Variants in CADPS observed in about 807,000 individuals in gnomAD.
CADPS encodes calcium dependent secretion activator.
A neutral mutation model predicts 167.3 loss-of-function variants in CADPS; 57 were observed. The ratio of observed to expected loss-of-function variants is 0.34; its 90% CI spans 0.28 to 0.42. The LOEUF is 0.42. CADPS is among the 20% of genes least tolerant of loss of function. The probability of loss-of-function intolerance (pLI) is 1.00; values close to 1 mark genes in which losing one functional copy is unlikely to be tolerated. For synonymous variants in CADPS, 676 were observed against 635.3 expected (o/e 1.06, Z -0.96); for missense variants, 1,414 against 1,738.1 (o/e 0.81, Z 3.32).
intron 6 of CADPS, among the ~76,000 whole-genome samples, chr3:62,633,739 G>T (rs1172085259): frequency 6.6e-6 from 1 of 152,094 alleles, no homozygotes; most frequent in Non-Finnish European, 1.5e-5. Context: ...CTTCACAGCA[G>T]TGGTGCAGGG....
At position 62,398,501 on chromosome 3, in the gene CADPS, T is replaced by C. The variant is rs533084972; in HGVS notation, c.*905A>G. On this transcript the variant is annotated 3_prime_UTR_variant, in exon 30 of 30. Coordinates refer to ENST00000383710, the MANE Select transcript of CADPS (RefSeq NM_003716.4). Reference sequence around the variant, plus strand: ...AACCCCAGGGTTGTGCAGTTACAGATCAAAATGCAATGTACATGACAGATA... The same window carrying C: ...AACCCCAGGGTTGTGCAGTTACAGACCAAAATGCAATGTACATGACAGATA... 2.6e-5 allele frequency: 4 copies of C among 152,654 alleles called. No individual in the cohort carries two copies. Among genetic ancestry groups the C allele is most frequent in the Non-Finnish European group, 5.9e-5 (4 of 68,010 alleles). 9.5% of individuals were successfully genotyped at this position (152,654 alleles called of 1,614,324 possible). A position where few individuals can be genotyped will look rare whatever the true frequency, so the allele number is the denominator to read the frequency against.
chr3:62,501,935 T>C (rs1163831616), intron 17 of CADPS, among the ~76,000 whole-genome samples: 1 of 152,264 alleles, frequency 6.6e-6, no homozygotes, highest in Non-Finnish European at 1.5e-5. Flanking sequence ...GTATGCCTGA[T>C]GTATATATAC....
chr3:62,516,703 T>G, intron 14 of CADPS, 60 bp from the exon 15 acceptor site: 1 of 1,196,868 alleles, frequency 8.4e-7, no homozygotes, highest in Non-Finnish European at 1.2e-6. Context: ...TGAAATATGC[T>G]GCAATTTGAT....
intron 3 of CADPS, among the ~76,000 whole-genome samples, chr3:62,730,502 C>T (rs2077563394): frequency 6.6e-6 from 1 of 152,154 alleles, no homozygotes. Context: ...GATAATATAG[C>T]TGGAGTGGCA....
intron 13 of CADPS, among the ~76,000 whole-genome samples, chr3:62,524,430 G>T (rs1033859000): frequency 6.6e-6 from 1 of 152,104 alleles, no homozygotes; most frequent in Non-Finnish European, 1.5e-5. Context: ...CAGACACGCT[G>T]CTAAAACAAA....
In CADPS at chr3:62,478,474, A is replaced by G. The variant is rs2061585146; in HGVS notation, c.3174-58T>C. The stretch of plus-strand genomic sequence containing the variant: ...CCCACTGGCCTCAGGCTCTACAAAA[A>G]CTAACACAGAGACAACTGGGGGCTA... On this transcript the variant is annotated intron_variant, in intron 22 of 29. Coordinates refer to ENST00000383710, the MANE Select transcript of CADPS (RefSeq NM_003716.4). The surrounding 1 kb of genome is among the most constrained non-coding windows in gnomAD (Gnocchi z 5.7). The G allele has an allele frequency of 2.6e-6, 4 of 1,520,346 alleles. No homozygotes were observed. In the South Asian group the frequency reaches 4.7e-5, roughly 18 times the overall value. 94.2% of individuals were successfully genotyped at this position (1,520,346 alleles called of 1,614,324 possible). A position where few individuals can be genotyped will look rare whatever the true frequency, so the allele number is the denominator to read the frequency against.
chr3:62,449,291 A>G (rs2057699949), intron 26 of CADPS, among the ~76,000 whole-genome samples: 2 of 151,904 alleles, frequency 1.3e-5, no homozygotes, highest in African/African-American at 4.8e-5. Flanking sequence ...TTTTCTTTGG[A>G]TTTGTTTCTT....
intron 6 of CADPS, among the ~76,000 whole-genome samples, chr3:62,597,665 T>G (rs1326210436): frequency 6.6e-6 from 1 of 152,140 alleles, no homozygotes; most frequent in Non-Finnish European, 1.5e-5. Flanking sequence ...GGGCAGTCAG[T>G]GCTTCCGAGA....
chr3:62,671,100 G>A (rs1036584207), intron 3 of CADPS, among the ~76,000 whole-genome samples: 1 of 152,120 alleles, frequency 6.6e-6, no homozygotes, highest in African/African-American at 2.4e-5. Context: ...TTGCAAAGTG[G>A]GAGTCCTAAC....
At chr3:62,794,629 G>A (rs1413615104) in intron 1 of CADPS, among the ~76,000 whole-genome samples, 1 of 151,900 alleles carries the variant, frequency 6.6e-6, no homozygotes, top group African/African-American at 2.4e-5. Context: ...TTGTATTTAT[G>A]GTAGATGGTA....
At chr3:62,536,609 C>A (rs769339932) in intron 11 of CADPS, 28 bp from the exon 12 acceptor site, 33 of 1,604,836 alleles carry the variant, frequency 2.1e-5, no homozygotes, top group Admixed American at 1.0e-4. Context: ...TAGAGAGAGA[C>A]ACAATTTAGA....
chr3:62,751,071 A>C (rs2082583291), intron 3 of CADPS, among the ~76,000 whole-genome samples: 1 of 152,214 alleles, frequency 6.6e-6, no homozygotes, highest in Non-Finnish European at 1.5e-5. Context: ...TTTCTGCTGC[A>C]AACTAACAGA....
intron 28 of CADPS, among the ~76,000 whole-genome samples, chr3:62,425,570 C>A (rs542162086): frequency 2.0e-5 from 3 of 152,212 alleles, no homozygotes; most frequent in African/African-American, 7.2e-5. Context: ...CTGATGCATA[C>A]CCCTGGTTAA....
chr3:62,529,903 G>C (rs945452221), intron 13 of CADPS, among the ~76,000 whole-genome samples: 1 of 152,148 alleles, frequency 6.6e-6, no homozygotes, highest in Non-Finnish European at 1.5e-5. Context: ...AAATGTCAGT[G>C]TTAATTTTGG....
intron 28 of CADPS, among the ~76,000 whole-genome samples, chr3:62,426,669 A>G (rs1378497439): frequency 6.6e-6 from 1 of 152,220 alleles, no homozygotes; most frequent in Non-Finnish European, 1.5e-5. Flanking sequence ...ACCCGATGTC[A>G]CACAGCTAGT....
intron 1 of CADPS, among the ~76,000 whole-genome samples, chr3:62,859,151 G>A (rs1286542164): frequency 2.6e-5 from 4 of 152,088 alleles, no homozygotes; most frequent in Non-Finnish European, 4.4e-5. Context: ...CCCTAAATTT[G>A]GGCATATACA....
intron 28 of CADPS, among the ~76,000 whole-genome samples, chr3:62,426,835 A>T (rs2052798639): frequency 6.6e-6 from 1 of 151,460 alleles, no homozygotes; most frequent in Non-Finnish European, 1.5e-5. Flanking sequence ...TGGGAGGCCG[A>T]GGGGGGCAGA....
intron 1 of CADPS, among the ~76,000 whole-genome samples, chr3:62,857,244 G>A (rs889285394): frequency 1.3e-5 from 2 of 151,946 alleles, no homozygotes; most frequent in South Asian, 2.1e-4. Flanking sequence ...TAAAAATAAC[G>A]CATCGAGTTG....
chr3:62,500,636 A>G (rs2065603800), intron 17 of CADPS: 1 of 152,204 alleles, frequency 6.6e-6, no homozygotes, highest in South Asian at 2.1e-4. Context: ...ATACATTTGC[A>G]AAAGAACTGG....
Sources: gnomAD v4.1 joint callset for allele counts (sites outside exome capture counted in the v4.1 genomes callset) on GRCh38, gnomAD v4.1.1 for gene constraint, Gnocchi (gnomAD v3.1) non-coding constraint, MANE v1.5 for transcripts, NCBI Gene and HGNC (gene_info 2026-07-23, HGNC 2026-07-21) for gene names.